Variants in PRKG2 observed in about 807,000 individuals in gnomAD.
PRKG2 encodes protein kinase cGMP-dependent 2, also known as cGMP-dependent protein kinase 2.
PRKG2 carries 33 observed loss-of-function variants against 97.2 expected under a neutral mutation model. That is an observed-to-expected ratio of 0.34 (90% CI 0.26 to 0.45). The LOEUF (loss-of-function observed/expected upper bound fraction) is 0.45, where lower values mean the gene tolerates loss of function less well. PRKG2 is among the 20% of genes least tolerant of loss of function. The probability of loss-of-function intolerance (pLI) is 1.00; values close to 1 mark genes in which losing one functional copy is unlikely to be tolerated. For missense variants in PRKG2, 638 were observed against 900.0 expected (o/e 0.71, Z 3.73); for synonymous variants, 330 against 321.8 (o/e 1.03, Z -0.27).
At chr4:81,156,824 T>A (rs1749141504) in intron 6 of PRKG2, among the ~76,000 whole-genome samples, 1 of 152,208 alleles carries the variant, frequency 6.6e-6, no homozygotes, top group Non-Finnish European at 1.5e-5. Context: ...TGCTCCTGAA[T>A]GACTACTGGG....
chr4:81,167,579 T>C (rs894320785), intron 5 of PRKG2, among the ~76,000 whole-genome samples: 6 of 152,158 alleles, frequency 3.9e-5, no homozygotes, highest in Non-Finnish European at 5.9e-5. Context: ...TCTCAATATC[T>C]GTTTTATTAG....
intron 6 of PRKG2, among the ~76,000 whole-genome samples, chr4:81,166,766 T>A (rs1445120691): frequency 6.6e-6 from 1 of 152,110 alleles, no homozygotes. Context: ...AGGACCAACA[T>A]ACCCTTTCTC....
intron 14 of PRKG2, among the ~76,000 whole-genome samples, chr4:81,114,818 C>T (rs915275770): frequency 2.6e-5 from 4 of 151,982 alleles, no homozygotes; most frequent in African/African-American, 9.7e-5. Flanking sequence ...TCACCGTTTG[C>T]TTGCATTGAT....
chr4:81,147,313 A>C (rs1005037730), intron 9 of PRKG2, among the ~76,000 whole-genome samples: 2 of 152,160 alleles, frequency 1.3e-5, no homozygotes, highest in African/African-American at 4.8e-5. Context: ...CCACACAGCT[A>C]ATGCCACTCA....
chr4:81,217,442 T>C (rs1334249786), upstream of PRKG2, among the ~76,000 whole-genome samples: 1 of 152,158 alleles, frequency 6.6e-6, no homozygotes, highest in African/African-American at 2.4e-5. Flanking sequence ...AGCAATCCTA[T>C]GCTCTGTCAA....
At chr4:81,106,526 C>A (rs1009871189) in intron 15 of PRKG2, among the ~76,000 whole-genome samples, 2 of 152,082 alleles carry the variant, frequency 1.3e-5, no homozygotes, top group African/African-American at 4.8e-5. Flanking sequence ...ATTAGAGCAG[C>A]CAGAGTAAGG....
At chr4:81,145,265 C>T (rs1578416581) in intron 9 of PRKG2, among the ~76,000 whole-genome samples, 1 of 151,980 alleles carries the variant, frequency 6.6e-6, no homozygotes, top group African/African-American at 2.4e-5. Flanking sequence ...GGTTTAACAA[C>T]AATTTTTTAG....
At position 81,105,795 on chromosome 4, in the gene PRKG2, AC is replaced by A; in HGVS notation, c.2063+17del. 6.2e-7 allele frequency: 1 copy of A among 1,613,354 alleles called. No homozygotes were observed. Among genetic ancestry groups the A allele is most frequent in the East Asian group, 2.2e-5 (1 of 44,860 alleles). ...TAGACTTTCTTCAAGACAAGGGGTT[AC>A]TGACTGTCATTCTCACCTGCAAAGC... On this transcript the variant is annotated intron_variant, in intron 16 of 18. Transcript: ENST00000264399.
At chr4:81,216,128 T>G (rs1212457921), upstream of PRKG2, among the ~76,000 whole-genome samples, 1 of 152,124 alleles carries the variant, frequency 6.6e-6, no homozygotes, top group Non-Finnish European at 1.5e-5. Context: ...CCAACTCTCT[T>G]GGGTTTTTAA....
intron 4 of PRKG2, among the ~76,000 whole-genome samples, chr4:81,170,412 A>G (rs1392746005): frequency 6.6e-6 from 1 of 152,106 alleles, no homozygotes; most frequent in Non-Finnish European, 1.5e-5. Flanking sequence ...AATCTAGATG[A>G]AATTGTGGTT....
chr4:81,170,630 T>C (rs572530378), intron 4 of PRKG2, among the ~76,000 whole-genome samples: 1 of 152,172 alleles, frequency 6.6e-6, no homozygotes, highest in Admixed American at 6.6e-5. Flanking sequence ...GGCTAACACA[T>C]ATAAACTAGT....
chr4:81,149,453 G>A (rs185571212), intron 8 of PRKG2, among the ~76,000 whole-genome samples: 1 of 152,254 alleles, frequency 6.6e-6, no homozygotes, highest in Admixed American at 6.5e-5. Context: ...AAAGTGTAAA[G>A]TGTATATTTT....
chr4:81,167,286 T>C (rs947014715), intron 5 of PRKG2, 62 bp from the exon 6 acceptor site: 11 of 1,050,496 alleles, frequency 1.0e-5, no homozygotes, highest in Middle Eastern at 4.7e-4. Context: ...TATACACATA[T>C]GCAGATTCTA....
chr4:81,151,492 T>C (rs1218896153), intron 8 of PRKG2, among the ~76,000 whole-genome samples: 2 of 152,116 alleles, frequency 1.3e-5, no homozygotes, highest in Admixed American at 1.3e-4. Context: ...ATATACTATT[T>C]TGAGTTGTTT....
intron 2 of PRKG2, among the ~76,000 whole-genome samples, chr4:81,187,202 T>A (rs374651477): frequency 2.0e-5 from 3 of 152,240 alleles, no homozygotes; most frequent in East Asian, 3.9e-4. Flanking sequence ...ATATCCCCAA[T>A]GAACATTGAT....
intron 11 of PRKG2, among the ~76,000 whole-genome samples, chr4:81,142,150 C>T (rs59436816): frequency 0.013 from 1,938 of 152,330 alleles, 50 homozygotes; most frequent in African/African-American, 0.045. Flanking sequence ...TTTGCTACTC[C>T]TTGGAAGCTG....
intron 14 of PRKG2, among the ~76,000 whole-genome samples, chr4:81,122,843 A>G (rs1028729424): frequency 6.6e-6 from 1 of 152,220 alleles, no homozygotes; most frequent in African/African-American, 2.4e-5. Context: ...CCCAGATGGA[A>G]GTCCTGTTGT....
At chr4:81,144,596 A>T (rs182546508) in intron 9 of PRKG2, among the ~76,000 whole-genome samples, 12,430 of 139,734 alleles carry the variant, frequency 0.089, 1,771 homozygotes, top group African/African-American at 0.33. Flanking sequence ...ATTTAAGGTT[A>T]TATATATATA....
chr4:81,090,913 C>CA (rs1243100569), intron 18 of PRKG2, among the ~76,000 whole-genome samples: 2 of 152,030 alleles, frequency 1.3e-5, no homozygotes, highest in Admixed American at 1.3e-4. Context: ...AATTTCTTCT[C>CA]AAAAAATGTT....
Sources: gnomAD v4.1 joint callset for allele counts (sites outside exome capture counted in the v4.1 genomes callset) on GRCh38, gnomAD v4.1.1 for gene constraint, MANE v1.5 for transcripts, NCBI Gene and HGNC (gene_info 2026-07-23, HGNC 2026-07-21) for gene names.